NEXMIF: variants seen among roughly 807,000 people sequenced by gnomAD.
The protein encoded by NEXMIF is neurite extension and migration factor, also known as XLMR protein related to neurite extension.
NEXMIF carries 8 observed loss-of-function variants against 62.1 expected under a neutral mutation model. The ratio of observed to expected loss-of-function variants is 0.13; its 90% CI spans 0.08 to 0.23. The LOEUF is 0.23. NEXMIF is among the 10% of genes least tolerant of loss of function. The pLI is 1.00. For synonymous variants in NEXMIF, 404 were observed against 416.6 expected (o/e 0.97, Z 0.37); for missense variants, 976 against 1,113.3 (o/e 0.88, Z 1.75).
intron 1 of NEXMIF, among the ~76,000 whole-genome samples, chrX:74,765,092 T>G (rs2080190752): frequency 8.9e-6 from 1 of 112,092 alleles, no homozygotes; most frequent in Admixed American, 9.5e-5. Flanking sequence ...ACTTGCTTTA[T>G]GAATCTGGGT....
At chrX:74,860,569 T>C (rs192096797) in intron 1 of NEXMIF, among the ~76,000 whole-genome samples, 7 of 111,504 alleles carry the variant, frequency 6.3e-5, no homozygotes, top group African/African-American at 2.3e-4. Flanking sequence ...TCCACCACAA[T>C]GGAATAAAAC....
At chrX:74,875,839 T>C (rs1482174413) in intron 1 of NEXMIF, among the ~76,000 whole-genome samples, 1 of 111,807 alleles carries the variant, frequency 8.9e-6, no homozygotes, top group Non-Finnish European at 1.9e-5. Context: ...TCGGTGGTGA[T>C]ATCCCCTTTA....
intron 1 of NEXMIF, among the ~76,000 whole-genome samples, chrX:74,914,949 C>A (rs186597912): frequency 8.9e-6 from 1 of 112,192 alleles, no homozygotes; most frequent in East Asian, 2.8e-4. Flanking sequence ...AAGTCACATA[C>A]TCAATGATTC....
intron 1 of NEXMIF, among the ~76,000 whole-genome samples, chrX:74,902,115 A>G (rs1444538263): frequency 9.1e-6 from 1 of 110,429 alleles, no homozygotes; most frequent in Non-Finnish European, 1.9e-5. Context: ...AGAGGAGTTA[A>G]CTAGATCAGT....
intron 1 of NEXMIF, among the ~76,000 whole-genome samples, chrX:74,806,234 C>T (rs1331715850): frequency 1.8e-5 from 2 of 110,290 alleles, no homozygotes; most frequent in Non-Finnish European, 1.9e-5. Flanking sequence ...AAAGTTATTA[C>T]CTGGCAACAA....
intron 1 of NEXMIF, among the ~76,000 whole-genome samples, chrX:74,839,167 C>T (rs1380718809): frequency 9.0e-6 from 1 of 111,721 alleles, no homozygotes; most frequent in Non-Finnish European, 1.9e-5. Context: ...TCCATTGTTC[C>T]TTTATTTATC....
At chrX:74,747,439 T>C (rs188696920) in intron 1 of NEXMIF, among the ~76,000 whole-genome samples, 61 of 111,060 alleles carry the variant, frequency 5.5e-4, no homozygotes, top group African/African-American at 1.9e-3. Flanking sequence ...GCCATCTCCA[T>C]GATTCTTACC....
intron 1 of NEXMIF, among the ~76,000 whole-genome samples, chrX:74,860,183 G>A (rs2080551995): frequency 1.8e-5 from 2 of 111,422 alleles, no homozygotes; most frequent in Admixed American, 1.9e-4. Flanking sequence ...AAATGATAAA[G>A]GGTTAATTCA....
intron 1 of NEXMIF, among the ~76,000 whole-genome samples, chrX:74,768,268 A>G (rs1036067053): frequency 2.7e-5 from 3 of 111,604 alleles, no homozygotes; most frequent in Non-Finnish European, 5.6e-5. Flanking sequence ...CTGGATGGTC[A>G]TCCTGCCTTG....
At chrX:74,894,658 C>T (rs1162818902) in intron 1 of NEXMIF, among the ~76,000 whole-genome samples, 1 of 112,154 alleles carries the variant, frequency 8.9e-6, no homozygotes, top group Non-Finnish European at 1.9e-5. Context: ...TGGGATTTAT[C>T]CCTGGGATGC....
chrX:74,874,784 GCT>G (rs755479649), intron 1 of NEXMIF, among the ~76,000 whole-genome samples: 15 of 94,251 alleles, frequency 1.6e-4, no homozygotes, highest in African/African-American at 5.7e-4. Context: ...TCATGATTTG[GCT>G]CTCTGTTTGT....
intron 1 of NEXMIF, among the ~76,000 whole-genome samples, chrX:74,824,139 A>G (rs147985874): frequency 2.9e-3 from 324 of 111,548 alleles, no homozygotes; most frequent in African/African-American, 9.6e-3. Context: ...AATAAAATCT[A>G]AGATGTATGT....
At chrX:74,849,159 G>A (rs2080504567) in intron 1 of NEXMIF, among the ~76,000 whole-genome samples, 1 of 112,066 alleles carries the variant, frequency 8.9e-6, no homozygotes, top group South Asian at 3.7e-4. Context: ...GAAGCATCCG[G>A]TACTTGCCTC....
At chrX:74,756,190 T>G (rs1258515113) in intron 1 of NEXMIF, among the ~76,000 whole-genome samples, 1 of 111,974 alleles carries the variant, frequency 8.9e-6, no homozygotes, top group African/African-American at 3.3e-5. Flanking sequence ...CTCCAACTCC[T>G]GATCTCGTGA....
chrX:74,751,397 T>A (rs1170443517), intron 1 of NEXMIF, among the ~76,000 whole-genome samples: 1 of 111,558 alleles, frequency 9.0e-6, no homozygotes, highest in East Asian at 2.8e-4. Flanking sequence ...AAAAACTAGA[T>A]TATATCTAAG....
intron 1 of NEXMIF, among the ~76,000 whole-genome samples, chrX:74,818,483 T>C (rs747300746): frequency 8.9e-6 from 1 of 111,980 alleles, no homozygotes; most frequent in Admixed American, 9.5e-5. Flanking sequence ...CAAGATGGAT[T>C]AAAGACTTAA....
Position 74,789,801 on chromosome X carries a change from C to T in NEXMIF, c.-47-44104G>A, listed in dbSNP as rs565395364. On this transcript the variant is annotated intron_variant, in intron 1 of 3. Coordinates refer to ENST00000055682, the MANE Select transcript of NEXMIF (RefSeq NM_001008537.3). ...TTGAGAAGTGTCTGTTCATGTCCTT[C>T]GCCCACTTTTTGATGGGGTTGTTTG... Among the ~76,000 whole-genome samples, 51 of 108,126 alleles carry T rather than the reference C, an allele frequency of 4.7e-4. No individual in the cohort carries two copies. In the South Asian group the frequency reaches 0.015, roughly 33 times the overall value. 93.9% of individuals were successfully genotyped at this position (108,126 alleles called of 115,157 possible). A position where few individuals can be genotyped will look rare whatever the true frequency, so the allele number is the denominator to read the frequency against.
intron 1 of NEXMIF, among the ~76,000 whole-genome samples, chrX:74,759,542 T>C (rs2080169864): frequency 8.9e-6 from 1 of 112,417 alleles, no homozygotes; most frequent in African/African-American, 3.2e-5. Context: ...AAGTCTTTAA[T>C]TCATCTTCAG....
chrX:74,878,884 C>G (rs1339636793), intron 1 of NEXMIF, among the ~76,000 whole-genome samples: 1 of 112,563 alleles, frequency 8.9e-6, no homozygotes, highest in Admixed American at 9.3e-5. Context: ...CCTGCGCCCA[C>G]TGTCTGGCAC....
Sources: gnomAD v4.1 joint callset for allele counts (sites outside exome capture counted in the v4.1 genomes callset) on GRCh38, gnomAD v4.1.1 for gene constraint, MANE v1.5 for transcripts, NCBI Gene and HGNC (gene_info 2026-07-23, HGNC 2026-07-21) for gene names.